KCNAB1: variants seen among roughly 807,000 people sequenced by gnomAD.
KCNAB1 encodes the protein potassium voltage-gated channel subfamily A regulatory beta subunit 1.
KCNAB1 carries 35 observed loss-of-function variants against 64.6 expected under a neutral mutation model. That is an observed-to-expected ratio of 0.54 (90% CI 0.41 to 0.72). KCNAB1 has a LOEUF of 0.72. KCNAB1 is among the 30% of genes least tolerant of loss of function. The pLI is 0.00. For synonymous variants in KCNAB1, 177 were observed against 183.8 expected (o/e 0.96, Z 0.30); for missense variants, 401 against 512.9 (o/e 0.78, Z 2.11).
At chr3:156,190,723 G>A (rs1372523856) in intron 1 of KCNAB1, among the ~76,000 whole-genome samples, 2 of 152,014 alleles carry the variant, frequency 1.3e-5, no homozygotes, top group African/African-American at 4.8e-5. Context: ...ACAGAGTCTC[G>A]CTCTGTCACC....
At chr3:156,465,370 A>G (rs1713286214) in intron 6 of KCNAB1, among the ~76,000 whole-genome samples, 1 of 152,188 alleles carries the variant, frequency 6.6e-6, no homozygotes, top group African/African-American at 2.4e-5. Flanking sequence ...TGAGTTAAAT[A>G]TGGACAGAGT....
At chr3:156,336,684 G>T (rs537680301) in intron 1 of KCNAB1, among the ~76,000 whole-genome samples, 336 of 152,234 alleles carry the variant, frequency 2.2e-3, no homozygotes, top group African/African-American at 7.8e-3. Context: ...AGATTCTAAG[G>T]GAGTGTTCTT....
chr3:156,187,910 A>C (rs915990234), intron 1 of KCNAB1, among the ~76,000 whole-genome samples: 4 of 152,134 alleles, frequency 2.6e-5, no homozygotes, highest in Admixed American at 1.3e-4. Context: ...TTAATTTCTC[A>C]TCAATTTCAC....
chr3:156,520,986 C>T (rs897500143), intron 11 of KCNAB1, among the ~76,000 whole-genome samples: 1 of 152,084 alleles, frequency 6.6e-6, no homozygotes, highest in Non-Finnish European at 1.5e-5. Context: ...CTATTCTTAC[C>T]CCAATATCAA....
chr3:156,164,206 C>A (rs1318896716), intron 1 of KCNAB1, among the ~76,000 whole-genome samples: 2 of 152,070 alleles, frequency 1.3e-5, no homozygotes, highest in Non-Finnish European at 2.9e-5. Context: ...TTAGATGTGA[C>A]TAAATAAGAG....
intron 1 of KCNAB1, among the ~76,000 whole-genome samples, chr3:156,370,157 T>A (rs1237499994): frequency 6.6e-6 from 1 of 152,176 alleles, no homozygotes; most frequent in Non-Finnish European, 1.5e-5. Flanking sequence ...ATTTTGACAC[T>A]AGGATAAGAG....
intron 1 of KCNAB1, among the ~76,000 whole-genome samples, chr3:156,411,108 A>G (rs1370517290): frequency 1.3e-5 from 2 of 152,150 alleles, no homozygotes; most frequent in African/African-American, 2.4e-5. Flanking sequence ...GCCAGTACTT[A>G]GTATGTTTGT....
At chr3:156,290,564 C>A (rs374681505) in intron 1 of KCNAB1, among the ~76,000 whole-genome samples, 1 of 152,300 alleles carries the variant, frequency 6.6e-6, no homozygotes, top group South Asian at 2.1e-4. Context: ...AGAAAATATT[C>A]CTGCCTCATG....
chr3:156,395,544 CA>C (rs61017269), intron 1 of KCNAB1, among the ~76,000 whole-genome samples: 5 of 25,460 alleles, frequency 2.0e-4, no homozygotes, highest in East Asian at 1.7e-3. Context: ...GACTCCGTCT[CA>C]AAAAAAAAAA....
chr3:156,366,134 T>C (rs1426913009), intron 1 of KCNAB1, among the ~76,000 whole-genome samples: 1 of 152,212 alleles, frequency 6.6e-6, no homozygotes, highest in African/African-American at 2.4e-5. Flanking sequence ...ATGAATGCAA[T>C]CTGGCATTTT....
At chr3:156,534,481 G>A (rs1718917628) in intron 13 of KCNAB1, among the ~76,000 whole-genome samples, 1 of 152,030 alleles carries the variant, frequency 6.6e-6, no homozygotes, top group Admixed American at 6.6e-5. Context: ...CCCTTCTGAG[G>A]CTTCCCATCA....
intron 1 of KCNAB1, among the ~76,000 whole-genome samples, chr3:156,223,502 C>T (rs565498593): frequency 2.0e-5 from 3 of 152,172 alleles, no homozygotes; most frequent in Non-Finnish European, 4.4e-5. Flanking sequence ...CAAGTCCCCA[C>T]TAGATTAGCT....
At chr3:156,142,006 G>A (rs898663438) in intron 1 of KCNAB1, among the ~76,000 whole-genome samples, 2 of 152,120 alleles carry the variant, frequency 1.3e-5, no homozygotes, top group Admixed American at 1.3e-4. Flanking sequence ...TTCCCTAATG[G>A]CTAATGATCT....
intron 1 of KCNAB1, among the ~76,000 whole-genome samples, chr3:156,338,808 A>G (rs1359416530): frequency 6.6e-6 from 1 of 152,154 alleles, no homozygotes; most frequent in African/African-American, 2.4e-5. Context: ...CTCCTTGCTC[A>G]TCTCAGTGAG....
rs150870768 is a variant in KCNAB1 at position 156,125,260 on chromosome 3, T to G, written c.275+4374T>G. Among the ~76,000 whole-genome samples, 1,374 of 152,202 alleles carry G rather than the reference T, an allele frequency of 9.0e-3. 30 individuals are homozygous for G. The highest frequency in any genetic ancestry group is 0.032 in the African/African-American group (1,323 of 41,516). Reference sequence around the variant, plus strand: ...GAGATATAACCCATACTGTACACGGTGTATTTAAGGCCTATGAAGAAAATT... The same window carrying G: ...GAGATATAACCCATACTGTACACGGGGTATTTAAGGCCTATGAAGAAAATT... On this transcript the variant is annotated intron_variant, in intron 1 of 13. Coordinates refer to ENST00000490337, the MANE Select transcript of KCNAB1 (RefSeq NM_172160.3).
At chr3:156,464,840 C>G (rs1243667372) in intron 6 of KCNAB1, among the ~76,000 whole-genome samples, 1 of 152,028 alleles carries the variant, frequency 6.6e-6, no homozygotes, top group African/African-American at 2.4e-5. Context: ...TCAGTGCTTT[C>G]GAAATGCTAC....
At chr3:156,395,320 C>T (rs1410805935) in intron 1 of KCNAB1, among the ~76,000 whole-genome samples, 7 of 149,274 alleles carry the variant, frequency 4.7e-5, no homozygotes, top group South Asian at 2.1e-4. Flanking sequence ...CCGAGGCGGG[C>T]GGATCACGAG....
chr3:156,505,345 GC>G (rs1040041387), intron 8 of KCNAB1, among the ~76,000 whole-genome samples: 5 of 152,118 alleles, frequency 3.3e-5, no homozygotes, highest in African/African-American at 1.2e-4. Flanking sequence ...GATATCTCCA[GC>G]TTTGTTCTTT....
intron 1 of KCNAB1, among the ~76,000 whole-genome samples, chr3:156,419,071 C>T (rs1715287249): frequency 6.6e-6 from 1 of 152,166 alleles, no homozygotes; most frequent in Non-Finnish European, 1.5e-5. Flanking sequence ...CATGTTTGGT[C>T]TTCAAAACCC....
Sources: gnomAD v4.1 joint callset for allele counts (sites outside exome capture counted in the v4.1 genomes callset) on GRCh38, gnomAD v4.1.1 for gene constraint, MANE v1.5 for transcripts, NCBI Gene and HGNC (gene_info 2026-07-23, HGNC 2026-07-21) for gene names.